EFNA5: variants seen among roughly 807,000 people sequenced by gnomAD.
The protein encoded by EFNA5 is ephrin-A5.
EFNA5 carries 5 observed loss-of-function variants against 22.9 expected under a neutral mutation model. The observed-to-expected ratio is 0.22, with a 90% CI of 0.11 to 0.46. The LOEUF is 0.46. Among genes scored for constraint, EFNA5 ranks in the 20% least tolerant of loss-of-function variants. The probability of loss-of-function intolerance (pLI) is 0.99; values close to 1 mark genes in which losing one functional copy is unlikely to be tolerated. For synonymous variants in EFNA5, 113 were observed against 112.2 expected, an observed-to-expected ratio of 1.01 and a Z score of -0.04; for missense variants, 237 against 293.3, an observed-to-expected ratio of 0.81 and a Z score of 1.40.
chr5:107,670,060 G>A (rs1580593503), intron 1 of EFNA5, among the ~76,000 whole-genome samples: 1 of 151,066 alleles, frequency 6.6e-6, no homozygotes, highest in Admixed American at 6.6e-5. Flanking sequence ...AAAAAACTTT[G>A]GGGGATGTTT....
rs1250324748 is a variant in EFNA5, at chr5:107,387,706, T to G, written c.484A>C (p.Asn162His). The G allele has an allele frequency of 1.2e-6, 2 of 1,609,782 alleles. No individual in the cohort carries two copies. Among genetic ancestry groups the G allele is most frequent in the South Asian group, 1.1e-5 (1 of 90,760 alleles). The change falls in exon 3 of 5, where the codon AAT (asparagine) becomes CAT (histidine). Residue 162 changes from asparagine to histidine, a missense_variant and splice_region_variant. Around this residue, in one of 3 missense-constraint regions of EFNA5, gnomAD observed 104 missense variants for 114.5 expected, o/e 0.91. Transcript: ENST00000333274. ...LKLKVFVRPT[N>H]SCMKTIGVHD... is the part of the protein sequence containing the mutation. Reference sequence around the variant, plus strand: ...CTGAAGCTCATTCTAGTGAACTTACTTGTTGGTCTCACAAAGACTTTGAGC... The same window carrying G: ...CTGAAGCTCATTCTAGTGAACTTACGTGTTGGTCTCACAAAGACTTTGAGC...
At chr5:107,507,305 T>C (rs1426959123) in intron 1 of EFNA5, among the ~76,000 whole-genome samples, 5 of 152,196 alleles carry the variant, frequency 3.3e-5, no homozygotes, top group Admixed American at 3.3e-4. Flanking sequence ...CTCCTAACTA[T>C]GGTTGACTGC....
At chr5:107,546,658 A>ACACG (rs1395718367) in intron 1 of EFNA5, among the ~76,000 whole-genome samples, 6 of 121,746 alleles carry the variant, frequency 4.9e-5, no homozygotes, top group African/African-American at 9.6e-5. Flanking sequence ...TAAAACACAC[A>ACACG]CACACACACA....
At position 107,394,094 on chromosome 5, in the gene EFNA5, TAAAGAAC is replaced by T. The variant is rs1312955685; in HGVS notation, c.419-6330_419-6324del. ...CATTTTCATACAAAGCATTTTCATA[TAAAGAAC>T]AAAATCATGTGTTATGATGAAATAC... On this transcript the variant is annotated intron_variant, in intron 2 of 4. Coordinates refer to ENST00000333274, the MANE Select transcript of EFNA5 (RefSeq NM_001962.3). Among the ~76,000 whole-genome samples, 6 of 152,200 alleles carry T rather than the reference TAAAGAAC, an allele frequency of 3.9e-5. No individual in the cohort carries two copies. In the East Asian group the frequency reaches 1.2e-3, roughly 29 times the overall value.
intron 2 of EFNA5, among the ~76,000 whole-genome samples, chr5:107,397,768 A>C (rs758168778): frequency 4.1e-4 from 63 of 152,146 alleles, no homozygotes; most frequent in Non-Finnish European, 4.6e-4. Flanking sequence ...TAGAAGATGA[A>C]ATTTTACCAA....
At chr5:107,487,570 T>C (rs1746671505) in intron 1 of EFNA5, among the ~76,000 whole-genome samples, 1 of 152,210 alleles carries the variant, frequency 6.6e-6, no homozygotes, top group Non-Finnish European at 1.5e-5. Flanking sequence ...TGGATAGAAG[T>C]AAAATGTAAA....
At chr5:107,474,755 G>C (rs1580476592) in intron 1 of EFNA5, among the ~76,000 whole-genome samples, 1 of 152,182 alleles carries the variant, frequency 6.6e-6, no homozygotes, top group African/African-American at 2.4e-5. Context: ...TTTAGCAAGA[G>C]GCCACCATGT....
chr5:107,549,553 C>G (rs764085038), intron 1 of EFNA5, among the ~76,000 whole-genome samples: 1 of 152,238 alleles, frequency 6.6e-6, no homozygotes, highest in Non-Finnish European at 1.5e-5. Flanking sequence ...ACAGATGGGC[C>G]TGGACCATCG....
intron 1 of EFNA5, among the ~76,000 whole-genome samples, chr5:107,582,017 G>C (rs1424552676): frequency 6.6e-6 from 1 of 152,090 alleles, no homozygotes; most frequent in Non-Finnish European, 1.5e-5. Flanking sequence ...GCTTTGCATA[G>C]GTACCCAGAA....
intron 1 of EFNA5, among the ~76,000 whole-genome samples, chr5:107,641,013 TAGATAGATAGACAGAC>T (rs1437501982): frequency 2.0e-4 from 26 of 132,234 alleles, no homozygotes; most frequent in African/African-American, 6.3e-4. Context: ...GATAGATAGA[TAGATAGATAGACAGAC>T]AGACAGACAG....
chr5:107,650,957 C>G (rs2112552535), intron 1 of EFNA5, among the ~76,000 whole-genome samples: 1 of 152,294 alleles, frequency 6.6e-6, no homozygotes, highest in African/African-American at 2.4e-5. Flanking sequence ...TAGTGGATGC[C>G]AAATTATGGC....
At chr5:107,525,709 G>A (rs1362102689) in intron 1 of EFNA5, among the ~76,000 whole-genome samples, 1 of 152,104 alleles carries the variant, frequency 6.6e-6, no homozygotes, top group African/African-American at 2.4e-5. Context: ...TGAGTAGGCT[G>A]AGGAGAAGGA....
intron 1 of EFNA5, among the ~76,000 whole-genome samples, chr5:107,503,936 C>T (rs1747195281): frequency 6.6e-6 from 1 of 152,160 alleles, no homozygotes; most frequent in Non-Finnish European, 1.5e-5. Context: ...AAATGTATTA[C>T]AGCATGCATT....
intron 1 of EFNA5, among the ~76,000 whole-genome samples, chr5:107,486,431 T>C (rs1052281885): frequency 6.6e-6 from 1 of 152,002 alleles, no homozygotes; most frequent in Non-Finnish European, 1.5e-5. Context: ...ATGATGATAA[T>C]TCTAAAAAAA....
intron 1 of EFNA5, among the ~76,000 whole-genome samples, chr5:107,542,353 A>C (rs530220709): frequency 6.6e-6 from 1 of 152,300 alleles, no homozygotes; most frequent in East Asian, 1.9e-4. Context: ...GCACAGTGAG[A>C]ATTTCCTGTG....
chr5:107,508,265 G>A (rs1178426529), intron 1 of EFNA5, among the ~76,000 whole-genome samples: 1 of 152,152 alleles, frequency 6.6e-6, no homozygotes, highest in Non-Finnish European at 1.5e-5. Flanking sequence ...AAGCATGCCA[G>A]TACTTAAGTT....
chr5:107,387,651 A>G (rs2112487988), intron 3 of EFNA5, 55 bp downstream of exon 3: 1 of 1,329,852 alleles, frequency 7.5e-7, no homozygotes. Context: ...ACCAGACCAC[A>G]CAATAAAGCA....
intron 1 of EFNA5, among the ~76,000 whole-genome samples, chr5:107,493,154 ATAAT>A (rs898752811): frequency 1.3e-5 from 2 of 151,964 alleles, no homozygotes; most frequent in Non-Finnish European, 2.9e-5. Flanking sequence ...TCTCTCCAGA[ATAAT>A]TACTTTTATT....
At chr5:107,480,222 T>C (rs1209250225) in intron 1 of EFNA5, among the ~76,000 whole-genome samples, 3 of 152,248 alleles carry the variant, frequency 2.0e-5, no homozygotes, top group Admixed American at 6.5e-5. Flanking sequence ...ATGAAATATA[T>C]ACTAATACTC....
Sources: allele counts gnomAD v4.1 joint callset (sites outside exome capture counted in the v4.1 genomes callset), GRCh38; gene constraint gnomAD v4.1.1; regional missense constraint gnomAD v4.1.1; transcripts MANE v1.5; gene names NCBI Gene and HGNC (gene_info 2026-07-23, HGNC 2026-07-21).